SPAG16: variants seen among roughly 807,000 people sequenced by gnomAD.
SPAG16 encodes sperm associated antigen 16.
Under a neutral mutation model 80.4 loss-of-function variants are expected in SPAG16, and 86 were observed. The ratio of observed to expected loss-of-function variants is 1.07; its 90% CI spans 0.90 to 1.28. The LOEUF is 1.28. Ranked by LOEUF, SPAG16 falls within the 50% of genes most tolerant of loss-of-function variation. SPAG16 has a pLI of 0.00. For missense variants in SPAG16, 870 were observed against 765.3 expected (o/e 1.14, Z -1.61); for synonymous variants, 294 against 265.9 (o/e 1.11, Z -1.03).
intron 15 of SPAG16, among the ~76,000 whole-genome samples, chr2:214,151,824 ATG>A (rs2125576824): frequency 6.6e-6 from 1 of 152,308 alleles, no homozygotes; most frequent in East Asian, 1.9e-4. Flanking sequence ...CACACATGTA[ATG>A]TCATCATAAT....
intron 10 of SPAG16, among the ~76,000 whole-genome samples, chr2:213,856,786 G>A (rs1294775961): frequency 6.6e-6 from 1 of 152,196 alleles, no homozygotes; most frequent in Non-Finnish European, 1.5e-5. Context: ...CCTGGGCCTG[G>A]CTCATGAAAC....
intron 12 of SPAG16, among the ~76,000 whole-genome samples, chr2:213,975,923 C>T (rs2045347627): frequency 6.6e-6 from 1 of 151,458 alleles, no homozygotes; most frequent in South Asian, 2.1e-4. Context: ...TGTGAAGTTG[C>T]CATCAGTGTT....
intron 10 of SPAG16, among the ~76,000 whole-genome samples, chr2:213,497,654 C>T (rs1475855282): frequency 6.6e-6 from 1 of 151,996 alleles, no homozygotes; most frequent in Non-Finnish European, 1.5e-5. Flanking sequence ...TATAAGAAGG[C>T]ATTGTTGGCC....
At chr2:213,872,677 A>G (rs2075998476) in intron 11 of SPAG16, among the ~76,000 whole-genome samples, 1 of 152,094 alleles carries the variant, frequency 6.6e-6, no homozygotes, top group South Asian at 2.1e-4. Flanking sequence ...GATTTTAGGT[A>G]AAACGTGATC....
intron 12 of SPAG16, among the ~76,000 whole-genome samples, chr2:213,977,659 C>T (rs1031097187): frequency 6.6e-6 from 1 of 152,058 alleles, no homozygotes; most frequent in Non-Finnish European, 1.5e-5. Context: ...TTTGGTTTCT[C>T]CCTTTGAGTT....
intron 10 of SPAG16, among the ~76,000 whole-genome samples, chr2:213,833,452 T>TA (rs1275479766): frequency 4.3e-3 from 4 of 922 alleles, no homozygotes; most frequent in Non-Finnish European, 0.034. Flanking sequence ...TATATATATA[T>TA]ATTATATATA....
At chr2:213,573,852 A>G (rs2060017169) in intron 10 of SPAG16, among the ~76,000 whole-genome samples, 1 of 152,212 alleles carries the variant, frequency 6.6e-6, no homozygotes, top group Non-Finnish European at 1.5e-5. Context: ...TATTTATGAA[A>G]TACATAAAGC....
At chr2:213,417,821 C>T (rs1163370709) in intron 9 of SPAG16, among the ~76,000 whole-genome samples, 1 of 151,496 alleles carries the variant, frequency 6.6e-6, no homozygotes, top group African/African-American at 2.4e-5. Context: ...TATTTTCCTC[C>T]TATTTTTCCT....
intron 9 of SPAG16, among the ~76,000 whole-genome samples, chr2:213,432,997 C>A (rs1328691284): frequency 1.3e-5 from 2 of 152,114 alleles, no homozygotes; most frequent in Non-Finnish European, 2.9e-5. Flanking sequence ...AAATTAAGGA[C>A]AAAACCATAT....
At chr2:213,759,741 C>T (rs1004842839) in intron 10 of SPAG16, among the ~76,000 whole-genome samples, 1 of 151,864 alleles carries the variant, frequency 6.6e-6, no homozygotes, top group Non-Finnish European at 1.5e-5. Flanking sequence ...TAAGCTATAA[C>T]GAATTCAAAT....
intron 15 of SPAG16, among the ~76,000 whole-genome samples, chr2:214,321,009 C>T (rs1696058367): frequency 6.6e-6 from 1 of 152,154 alleles, no homozygotes; most frequent in African/African-American, 2.4e-5. Context: ...ATCACGTAAA[C>T]ATGTTGATAT....
At chr2:213,482,532 T>G (rs904844279) in intron 9 of SPAG16, among the ~76,000 whole-genome samples, 9 of 152,180 alleles carry the variant, frequency 5.9e-5, no homozygotes, top group Non-Finnish European at 1.3e-4. Flanking sequence ...TAATGATTCT[T>G]CTAATTTTTT....
rs573677544 is a variant in SPAG16, at chr2:213,699,033, T to C, written c.1071-163452T>C. 2.0e-5 allele frequency among the ~76,000 whole-genome samples: 3 copies of C among 152,348 alleles called. No homozygotes were observed. The East Asian group carries it at 5.8e-4, about 29-fold the overall frequency. The stretch of plus-strand genomic sequence containing the variant: ...CCTCTCTAAGTTCTGTTTCTGCTGG[T>C]AATTCTACCATGGAACTTCTCTTTT... On this transcript the variant is annotated intron_variant, in intron 10 of 15. Coordinates refer to ENST00000331683, the MANE Select transcript of SPAG16 (RefSeq NM_024532.5).
intron 13 of SPAG16, among the ~76,000 whole-genome samples, chr2:214,046,396 A>G (rs898920564): frequency 6.6e-6 from 1 of 152,200 alleles, no homozygotes; most frequent in African/African-American, 2.4e-5. Flanking sequence ...AAGATACATC[A>G]AAAAAGGAAA....
intron 9 of SPAG16, among the ~76,000 whole-genome samples, chr2:213,458,983 T>A (rs1411165820): frequency 3.3e-5 from 5 of 152,246 alleles, no homozygotes; most frequent in Non-Finnish European, 5.9e-5. Context: ...TCTCAGCCAT[T>A]ATCTCCTAAA....
At chr2:214,147,862 C>T (rs896014774) in intron 14 of SPAG16, among the ~76,000 whole-genome samples, 24 of 152,050 alleles carry the variant, frequency 1.6e-4, no homozygotes, top group African/African-American at 5.6e-4. Context: ...AATGAGTCCA[C>T]TTGAACTGTA....
chr2:213,775,994 A>G (rs1386895036), intron 10 of SPAG16, among the ~76,000 whole-genome samples: 1 of 152,236 alleles, frequency 6.6e-6, no homozygotes, highest in Non-Finnish European at 1.5e-5. Context: ...TATTTGCCAC[A>G]TTGGCATAAA....
intron 10 of SPAG16, among the ~76,000 whole-genome samples, chr2:213,593,251 T>TGA (rs2060770217): frequency 6.6e-6 from 1 of 152,174 alleles, no homozygotes; most frequent in African/African-American, 2.4e-5. Flanking sequence ...CCTGTCAGAT[T>TGA]GAACAGTGCA....
At chr2:213,653,418 A>G (rs1260992864) in intron 10 of SPAG16, among the ~76,000 whole-genome samples, 1 of 152,100 alleles carries the variant, frequency 6.6e-6, no homozygotes, top group Non-Finnish European at 1.5e-5. Context: ...TTGAGCTCAC[A>G]TTTGCATTTC....
Sources: allele counts gnomAD v4.1 joint callset (sites outside exome capture counted in the v4.1 genomes callset), GRCh38; gene constraint gnomAD v4.1.1; transcripts MANE v1.5; gene names NCBI Gene and HGNC (gene_info 2026-07-23, HGNC 2026-07-21).